MARCHF1: variants seen among roughly 807,000 people sequenced by gnomAD.
MARCHF1 encodes the protein E3 ubiquitin-protein ligase MARCHF1.
MARCHF1 carries 40 observed loss-of-function variants against 54.2 expected under a neutral mutation model. The observed-to-expected ratio is 0.74, with a 90% CI of 0.57 to 0.96. MARCHF1 has a LOEUF of 0.96. Ranked by LOEUF, MARCHF1 falls within the 40% of genes least tolerant of loss-of-function variation. The pLI, the probability that MARCHF1 is intolerant of heterozygous loss-of-function variation, is 0.00. For missense variants in MARCHF1, 586 were observed against 656.5 expected, an observed-to-expected ratio of 0.89 and a Z score of 1.17; for synonymous variants, 236 against 236.3, an observed-to-expected ratio of 1.00 and a Z score of 0.01.
In MARCHF1 at chr4:164,284,332, G is replaced by A. The variant is rs938917963; in HGVS notation, c.-323+99538C>T. 1.7e-5 allele frequency among the ~76,000 whole-genome samples: 2 copies of A among 117,160 alleles called. 1 individual carries two copies. Among genetic ancestry groups the A allele is most frequent in the Admixed American group, 1.7e-4 (2 of 11,652 alleles). 76.9% of individuals were successfully genotyped at this position (117,160 alleles called of 152,430 possible). A position where few individuals can be genotyped will look rare whatever the true frequency, so the allele number is the denominator to read the frequency against. On this transcript the variant is annotated intron_variant, in intron 1 of 9. Coordinates refer to ENST00000514618, the MANE Select transcript of MARCHF1 (RefSeq NM_001394959.1). Reference sequence around the variant, plus strand: ...AGCTAAAGAAAGTGAGAGAGAGAGAGACAGAGAGAGAGAGAGAGAGAGAGA... The same window carrying A: ...AGCTAAAGAAAGTGAGAGAGAGAGAAACAGAGAGAGAGAGAGAGAGAGAGA...
chr4:164,308,012 C>T (rs574458281), intron 1 of MARCHF1, among the ~76,000 whole-genome samples: 24 of 152,214 alleles, frequency 1.6e-4, no homozygotes, highest in African/African-American at 4.6e-4. Flanking sequence ...CTTATAGTTA[C>T]GCTGAATCTT....
At chr4:164,150,898 C>G (rs1359974530) in intron 1 of MARCHF1, among the ~76,000 whole-genome samples, 1 of 152,146 alleles carries the variant, frequency 6.6e-6, no homozygotes, top group African/African-American at 2.4e-5. Flanking sequence ...CCTGGACCAT[C>G]TGAGTGGGCC....
intron 4 of MARCHF1, among the ~76,000 whole-genome samples, chr4:163,748,909 G>A (rs924762790): frequency 3.9e-5 from 6 of 152,174 alleles, no homozygotes; most frequent in African/African-American, 1.4e-4. Flanking sequence ...TAGGTTGTGA[G>A]GGCTCTTCAT....
intron 2 of MARCHF1, among the ~76,000 whole-genome samples, chr4:164,039,676 T>C (rs1365552718): frequency 6.6e-6 from 1 of 151,714 alleles, no homozygotes; most frequent in Admixed American, 6.6e-5. Flanking sequence ...TCTCTCCACA[T>C]ACAGATAAAA....
chr4:164,021,977 T>C (rs1560865890), intron 2 of MARCHF1, among the ~76,000 whole-genome samples: 1 of 152,124 alleles, frequency 6.6e-6, no homozygotes, highest in Non-Finnish European at 1.5e-5. Context: ...GCAACATTTG[T>C]TGAAAAAATA....
At chr4:164,172,849 CG>C (rs1730563641) in intron 1 of MARCHF1, among the ~76,000 whole-genome samples, 1 of 151,992 alleles carries the variant, frequency 6.6e-6, no homozygotes, top group African/African-American at 2.4e-5. Flanking sequence ...CACGTGGTGG[CG>C]GGGGCCTGTA....
intron 1 of MARCHF1, among the ~76,000 whole-genome samples, chr4:164,348,472 G>C (rs34562443): frequency 0.41 from 62,481 of 151,986 alleles, 13,712 homozygotes; most frequent in Non-Finnish European, 0.49. Flanking sequence ...AAGTGCCAAA[G>C]ACATAGATAT....
intron 7 of MARCHF1, among the ~76,000 whole-genome samples, chr4:163,594,310 G>A (rs1379516731): frequency 1.3e-5 from 2 of 151,866 alleles, no homozygotes; most frequent in Non-Finnish European, 2.9e-5. Flanking sequence ...AAAAGAGCAT[G>A]AAAGTTCTTA....
chr4:163,669,880 G>C (rs149207841), intron 5 of MARCHF1, among the ~76,000 whole-genome samples: 2 of 151,826 alleles, frequency 1.3e-5, no homozygotes, highest in African/African-American at 4.9e-5. Flanking sequence ...TTACAGGTGT[G>C]AGCCACCGCT....
At chr4:164,272,137 A>T (rs1320189618) in intron 1 of MARCHF1, among the ~76,000 whole-genome samples, 2 of 152,032 alleles carry the variant, frequency 1.3e-5, no homozygotes. Flanking sequence ...TAATTAACAG[A>T]GACGGGAAGT....
intron 1 of MARCHF1, among the ~76,000 whole-genome samples, chr4:164,317,489 G>A (rs781394033): frequency 1.3e-5 from 2 of 152,030 alleles, no homozygotes; most frequent in Admixed American, 6.6e-5. Context: ...CTGTATCATC[G>A]CATCCACTAC....
rs1348722882 is a variant in MARCHF1 at position 163,525,054 on chromosome 4, C to G, written c.*3694G>C. On this transcript the variant is annotated 3_prime_UTR_variant, in exon 10 of 10. Coordinates refer to ENST00000514618, the MANE Select transcript of MARCHF1 (RefSeq NM_001394959.1). Reference sequence around the variant, plus strand: ...CTTAGGAAAGAAAAAAGGTTTTCATCTTTCTTAATTAAAGTATTATATAAC... The same window carrying G: ...CTTAGGAAAGAAAAAAGGTTTTCATGTTTCTTAATTAAAGTATTATATAAC... 1 of 152,050 alleles carries G rather than the reference C, an allele frequency of 6.6e-6. No individual in the cohort carries two copies. Among genetic ancestry groups the G allele is most frequent in the Non-Finnish European group, 1.5e-5 (1 of 67,990 alleles). The allele number at this position is 152,050 out of a possible 1,614,324, so 9.4% of individuals were successfully genotyped here. A position where few individuals can be genotyped will look rare whatever the true frequency, so the allele number is the denominator to read the frequency against.
chr4:164,108,399 A>AATTC (rs555796351), intron 2 of MARCHF1, among the ~76,000 whole-genome samples: 11 of 152,202 alleles, frequency 7.2e-5, no homozygotes, highest in African/African-American at 1.9e-4. Flanking sequence ...ATGACTGCAG[A>AATTC]ATTCATTCAT....
rs571687503 is a variant in MARCHF1 at position 163,803,853 on chromosome 4, C to T, written c.111+50168G>A. On this transcript the variant is annotated intron_variant, in intron 4 of 9. Coordinates refer to ENST00000514618, the MANE Select transcript of MARCHF1 (RefSeq NM_001394959.1). ...TAAAGTTACACAAATATAAGACCATCTTAGAAGAATTGCTTGAAATCACTT... is the reference window on the plus strand; with the variant it reads ...TAAAGTTACACAAATATAAGACCATTTTAGAAGAATTGCTTGAAATCACTT... Among the ~76,000 whole-genome samples, 3 of 152,286 alleles carry T rather than the reference C, an allele frequency of 2.0e-5. No homozygotes were observed. In the South Asian group the frequency reaches 6.2e-4, roughly 32 times the overall value.
At chr4:163,860,141 G>A (rs1163453347) in intron 3 of MARCHF1, among the ~76,000 whole-genome samples, 1 of 152,184 alleles carries the variant, frequency 6.6e-6, no homozygotes, top group Non-Finnish European at 1.5e-5. Context: ...AATATGGAGA[G>A]AGGAAAATAT....
intron 1 of MARCHF1, among the ~76,000 whole-genome samples, chr4:164,369,314 G>A (rs1730966617): frequency 1.3e-5 from 2 of 152,176 alleles, no homozygotes; most frequent in South Asian, 4.2e-4. Context: ...CCGTGCTATG[G>A]ACTGGAAAAT....
intron 4 of MARCHF1, among the ~76,000 whole-genome samples, chr4:163,709,119 T>C (rs1167477769): frequency 2.0e-5 from 3 of 152,150 alleles, no homozygotes; most frequent in African/African-American, 7.2e-5. Flanking sequence ...TTTACAGATG[T>C]ATGTTTGACT....
intron 1 of MARCHF1, among the ~76,000 whole-genome samples, chr4:164,177,627 C>T (rs1327288918): frequency 6.6e-6 from 1 of 151,756 alleles, no homozygotes; most frequent in African/African-American, 2.4e-5. Context: ...TAAACAAAAG[C>T]AAACTTTAAT....
chr4:163,564,948 A>G (rs1365904177), intron 8 of MARCHF1, among the ~76,000 whole-genome samples: 2 of 151,584 alleles, frequency 1.3e-5, no homozygotes, highest in Non-Finnish European at 2.9e-5. Flanking sequence ...TTTTGAAGTG[A>G]CCCCACTTCC....
Sources: gnomAD v4.1 joint callset for allele counts (sites outside exome capture counted in the v4.1 genomes callset) on GRCh38, gnomAD v4.1.1 for gene constraint, MANE v1.5 for transcripts, NCBI Gene and HGNC (gene_info 2026-07-23, HGNC 2026-07-21) for gene names.